Variants in MAF observed in about 807,000 individuals in gnomAD.
The protein encoded by MAF is MAF bZIP transcription factor, also known as transcription factor Maf.
In MAF, 10 loss-of-function variants were observed where a neutral mutation model predicts 22.0. The ratio of observed to expected loss-of-function variants is 0.45; its 90% CI spans 0.28 to 0.77. The LOEUF (loss-of-function observed/expected upper bound fraction) is 0.77, where lower values mean the gene tolerates loss of function less well. MAF is among the 30% of genes least tolerant of loss of function. MAF has a pLI of 0.12. For synonymous variants in MAF, 337 were observed against 255.8 expected, an observed-to-expected ratio of 1.32 and a Z score of -3.03; for missense variants, 544 against 548.4, an observed-to-expected ratio of 0.99 and a Z score of 0.08.
At chr16:79,265,719 GT>G in the MAF span, among the ~76,000 whole-genome samples, 1 of 152,208 alleles carries the variant, frequency 6.6e-6, no homozygotes, top group Non-Finnish European at 1.5e-5. Flanking sequence ...AGCACACAAT[GT>G]TTTTCCTATC....
the MAF span, among the ~76,000 whole-genome samples, chr16:79,337,076 C>A: frequency 6.6e-6 from 1 of 152,276 alleles, no homozygotes; most frequent in African/African-American, 2.4e-5. Context: ...AACCTTCATA[C>A]AAAACCCTGC....
chr16:79,547,051 G>A, the MAF span, among the ~76,000 whole-genome samples: 4 of 152,104 alleles, frequency 2.6e-5, no homozygotes, highest in Non-Finnish European at 4.4e-5. Context: ...ACATGCGTAC[G>A]AGTTTGAAGC....
the MAF span, among the ~76,000 whole-genome samples, chr16:79,458,320 T>G: frequency 6.6e-6 from 1 of 152,206 alleles, no homozygotes; most frequent in East Asian, 1.9e-4. Context: ...CTGTGCATGG[T>G]TGGGGACAAG....
the MAF span, among the ~76,000 whole-genome samples, chr16:79,347,587 G>A: frequency 1.3e-5 from 2 of 152,290 alleles, no homozygotes; most frequent in East Asian, 1.9e-4. Flanking sequence ...TGCACCGAGC[G>A]GGGAACAAAA....
the MAF span, among the ~76,000 whole-genome samples, chr16:79,303,379 G>A: frequency 6.6e-6 from 1 of 152,212 alleles, no homozygotes; most frequent in Non-Finnish European, 1.5e-5. Context: ...ATTGCAGTGG[G>A]AAGTTAAAGG....
chr16:79,275,228 C>T, the MAF span, among the ~76,000 whole-genome samples: 13 of 152,152 alleles, frequency 8.5e-5, no homozygotes, highest in Middle Eastern at 3.4e-3. Context: ...TGGTGGTGCA[C>T]GCTTGTAATC....
At chr16:79,329,483 G>C in the MAF span, among the ~76,000 whole-genome samples, 1 of 152,160 alleles carries the variant, frequency 6.6e-6, no homozygotes, top group Non-Finnish European at 1.5e-5. Context: ...AAAAATGCAA[G>C]AGGGAAATTG....
chr16:79,391,764 C>T, the MAF span, among the ~76,000 whole-genome samples: 5 of 152,158 alleles, frequency 3.3e-5, no homozygotes, highest in South Asian at 2.1e-4. Context: ...ATTGCCAAAG[C>T]GCATCATCTG....
the MAF span, among the ~76,000 whole-genome samples, chr16:79,494,545 T>C: frequency 1.3e-5 from 2 of 152,144 alleles, no homozygotes; most frequent in African/African-American, 4.8e-5. Context: ...CCCCAGAGAA[T>C]CCAGGATAAT....
the MAF span, among the ~76,000 whole-genome samples, chr16:79,558,577 T>C: frequency 0.013 from 1,921 of 152,254 alleles, 32 homozygotes; most frequent in African/African-American, 0.044. Flanking sequence ...ATCAGCTCCA[T>C]AACACAAAGA....
At chr16:79,498,506 G>A in the MAF span, among the ~76,000 whole-genome samples, 1 of 152,224 alleles carries the variant, frequency 6.6e-6, no homozygotes, top group African/African-American at 2.4e-5. Context: ...TTGGCCCATG[G>A]GCTTCACTTT....
At chr16:79,353,009 C>T in the MAF span, among the ~76,000 whole-genome samples, 2 of 151,984 alleles carry the variant, frequency 1.3e-5, no homozygotes, top group Non-Finnish European at 2.9e-5. Context: ...ATGTCAAGGG[C>T]TGCGAGAGAG....
At chr16:79,586,134 G>C (rs559554802) in intron 1 of MAF, among the ~76,000 whole-genome samples, 1 of 152,132 alleles carries the variant, frequency 6.6e-6, no homozygotes, top group Admixed American at 6.5e-5. Flanking sequence ...GGTTGACGTG[G>C]AAGGGAATGG....
chr16:79,495,826 C>A, the MAF span, among the ~76,000 whole-genome samples: 1 of 152,146 alleles, frequency 6.6e-6, no homozygotes. Flanking sequence ...ATTTGAGCAC[C>A]AGCCACACGT....
the MAF span, among the ~76,000 whole-genome samples, chr16:79,307,344 G>C: frequency 6.6e-5 from 10 of 152,334 alleles, no homozygotes; most frequent in East Asian, 1.9e-3. Context: ...GGTCCCAGAC[G>C]TGGTTGGTCC....
At chr16:79,378,563 A>G in the MAF span, among the ~76,000 whole-genome samples, 1 of 152,218 alleles carries the variant, frequency 6.6e-6, no homozygotes, top group Non-Finnish European at 1.5e-5. Context: ...ATGAAAAATA[A>G]TCACACATTA....
chr16:79,306,374 G>A, the MAF span, among the ~76,000 whole-genome samples: 4 of 152,238 alleles, frequency 2.6e-5, no homozygotes, highest in South Asian at 2.1e-4. Context: ...TCATTCATTC[G>A]TTCCACACAC....
chr16:79,357,911 G>A, the MAF span, among the ~76,000 whole-genome samples: 2 of 152,208 alleles, frequency 1.3e-5, no homozygotes, highest in Non-Finnish European at 2.9e-5. Flanking sequence ...CATCTCAGGG[G>A]CTAACCTGAT....
chr16:79,447,736 T>G, the MAF span, among the ~76,000 whole-genome samples: 2 of 151,762 alleles, frequency 1.3e-5, no homozygotes, highest in East Asian at 1.9e-4. Flanking sequence ...AGACTTTAAC[T>G]GCAGATGTGA....
Sources: allele counts gnomAD v4.1 joint callset (sites outside exome capture counted in the v4.1 genomes callset), GRCh38; gene constraint gnomAD v4.1.1; transcripts MANE v1.5; gene names NCBI Gene and HGNC (gene_info 2026-07-23, HGNC 2026-07-21).